Variants in SLC14A2 observed in about 807,000 individuals in gnomAD.
SLC14A2 encodes the protein urea transporter 2.
A neutral mutation model predicts 104.6 loss-of-function variants in SLC14A2; 91 were observed. That is an observed-to-expected ratio of 0.87 (90% CI 0.73 to 1.04). The LOEUF (loss-of-function observed/expected upper bound fraction) is 1.04, where lower values mean the gene tolerates loss of function less well. SLC14A2 is among the 50% of genes least tolerant of loss of function. The probability of loss-of-function intolerance (pLI) is 0.00; values close to 1 mark genes in which losing one functional copy is unlikely to be tolerated. For synonymous variants in SLC14A2, 476 were observed against 466.4 expected (o/e 1.02, Z -0.27); for missense variants, 1,189 against 1,156.0 (o/e 1.03, Z -0.41).
At chr18:45,238,002 A>G (rs1427729165) in intron 1 of SLC14A2, among the ~76,000 whole-genome samples, 1 of 152,248 alleles carries the variant, frequency 6.6e-6, no homozygotes, top group Non-Finnish European at 1.5e-5. Flanking sequence ...GAGCAGCACC[A>G]TTAAGCACTT....
intron 1 of SLC14A2, among the ~76,000 whole-genome samples, chr18:45,255,929 C>G (rs995358780): frequency 6.6e-6 from 1 of 152,080 alleles, no homozygotes; most frequent in Non-Finnish European, 1.5e-5. Flanking sequence ...TAGAAAGGCC[C>G]GGATGTATGC....
In SLC14A2 at chr18:45,655,159, T is replaced by C. The variant is rs569303945; in HGVS notation, c.1352-8626T>C. Among the ~76,000 whole-genome samples, 6 of 152,304 alleles carry C rather than the reference T, an allele frequency of 3.9e-5. No individual in the cohort carries two copies. In the South Asian group the frequency reaches 1.2e-3, roughly 32 times the overall value. Reference sequence around the variant, plus strand: ...GTCTCCTCAGGGTCCCCCTTTTACATACTCAGATTACTGTAGACCTAGTCT... The same window carrying C: ...GTCTCCTCAGGGTCCCCCTTTTACACACTCAGATTACTGTAGACCTAGTCT... On this transcript the variant is annotated intron_variant, in intron 10 of 19. Transcript: ENST00000255226.
At chr18:45,567,531 G>C (rs2044283849) in intron 2 of SLC14A2, among the ~76,000 whole-genome samples, 1 of 152,198 alleles carries the variant, frequency 6.6e-6, no homozygotes, top group Non-Finnish European at 1.5e-5. Context: ...GAAAGAGTCA[G>C]AGTGTCCTTT....
intron 2 of SLC14A2, among the ~76,000 whole-genome samples, chr18:45,534,922 AAACATT>A (rs1419879453): frequency 6.6e-6 from 1 of 152,190 alleles, no homozygotes; most frequent in Non-Finnish European, 1.5e-5. Flanking sequence ...TACAACCTGC[AAACATT>A]AACATACTGT....
chr18:45,537,652 A>C (rs751720282), intron 2 of SLC14A2, among the ~76,000 whole-genome samples: 9 of 152,170 alleles, frequency 5.9e-5, no homozygotes, highest in Non-Finnish European at 1.2e-4. Context: ...TTTTGTTCAG[A>C]GGAGTGTCAT....
chr18:45,477,826 C>G (rs2087413513), intron 1 of SLC14A2, among the ~76,000 whole-genome samples: 1 of 152,148 alleles, frequency 6.6e-6, no homozygotes, highest in Non-Finnish European at 1.5e-5. Flanking sequence ...TGGCGGATGC[C>G]CTTACCCCAA....
At chr18:45,481,589 T>C (rs2087494084) in intron 1 of SLC14A2, among the ~76,000 whole-genome samples, 3 of 152,334 alleles carry the variant, frequency 2.0e-5, no homozygotes, top group South Asian at 2.1e-4. Context: ...TATCTATGTA[T>C]ACAAAATGCT....
At chr18:45,291,798 G>C (rs139043502) in intron 1 of SLC14A2, among the ~76,000 whole-genome samples, 1 of 150,066 alleles carries the variant, frequency 6.7e-6, no homozygotes, top group Non-Finnish European at 1.5e-5. Flanking sequence ...TCGAATTGTC[G>C]TTGTGCTATT....
chr18:45,356,784 G>T (rs965516341), intron 1 of SLC14A2, among the ~76,000 whole-genome samples: 1 of 152,180 alleles, frequency 6.6e-6, no homozygotes, highest in Admixed American at 6.5e-5. Context: ...GGTAGTGTCT[G>T]GGACAAATGT....
chr18:45,508,129 G>A (rs531228635), intron 2 of SLC14A2, among the ~76,000 whole-genome samples: 30 of 152,332 alleles, frequency 2.0e-4, no homozygotes, highest in East Asian at 5.8e-4. Flanking sequence ...ATTGTTCTGC[G>A]TAGATCTCAT....
intron 2 of SLC14A2, among the ~76,000 whole-genome samples, chr18:45,525,868 C>T (rs890819536): frequency 2.0e-5 from 3 of 152,220 alleles, no homozygotes. Context: ...TGGTGGTGGC[C>T]ATTTTGTTTC....
At chr18:45,605,231 A>C (rs968040770) in intron 2 of SLC14A2, among the ~76,000 whole-genome samples, 3 of 152,214 alleles carry the variant, frequency 2.0e-5, no homozygotes, top group Admixed American at 6.5e-5. Context: ...AGGCTAGTAA[A>C]GCTTGATTTC....
chr18:45,182,279 G>A, the SLC14A2 span, among the ~76,000 whole-genome samples: 2 of 151,278 alleles, frequency 1.3e-5, no homozygotes, highest in East Asian at 1.9e-4. Flanking sequence ...AATTGAATCA[G>A]GAAAAAAAGA....
At chr18:45,208,259 T>A (rs989367953), upstream of SLC14A2, among the ~76,000 whole-genome samples, 35 of 152,278 alleles carry the variant, frequency 2.3e-4, no homozygotes, top group Non-Finnish European at 4.9e-4. Flanking sequence ...AAATATATAT[T>A]TTTTTCTCAA....
chr18:45,556,826 C>G (rs1173951069), intron 2 of SLC14A2, among the ~76,000 whole-genome samples: 1 of 152,186 alleles, frequency 6.6e-6, no homozygotes, highest in Non-Finnish European at 1.5e-5. Flanking sequence ...TATGGAGCTC[C>G]CATAGGGGTA....
chr18:45,665,727 A>C (rs1221822310), intron 11 of SLC14A2, among the ~76,000 whole-genome samples: 2 of 104,722 alleles, frequency 1.9e-5, no homozygotes, highest in South Asian at 2.8e-4. Context: ...GTTCACCTTC[A>C]AGTTCTCCAT....
chr18:45,622,537 C>A (rs2045190127), intron 1 of SLC14A2, among the ~76,000 whole-genome samples: 1 of 152,086 alleles, frequency 6.6e-6, no homozygotes, highest in Admixed American at 6.6e-5. Context: ...GGGTCATCGG[C>A]AGGGAGATGG....
At chr18:45,229,189 A>G (rs1048832561) in intron 1 of SLC14A2, among the ~76,000 whole-genome samples, 3 of 152,174 alleles carry the variant, frequency 2.0e-5, no homozygotes, top group Admixed American at 1.3e-4. Flanking sequence ...GCACTTACTG[A>G]ATTCTTTTCT....
At position 45,372,639 on chromosome 18, in the gene SLC14A2, T is replaced by C. The variant is rs1263502122; in HGVS notation, c.-124-110594T>C. Among the ~76,000 whole-genome samples, 4 of 152,276 alleles carry C rather than the reference T, an allele frequency of 2.6e-5. No individual in the cohort carries two copies. In the East Asian group the frequency reaches 5.8e-4, roughly 22 times the overall value. On this transcript the variant is annotated intron_variant, in intron 1 of 20. Transcript: ENST00000586448. ...GGTAATGTCAACATGCAAGTTCCGA[T>C]GCAGGGTAGGGCCTGAGATTCTGCA...
Sources: allele counts gnomAD v4.1 joint callset (sites outside exome capture counted in the v4.1 genomes callset), GRCh38; gene constraint gnomAD v4.1.1; transcripts MANE v1.5; gene names NCBI Gene and HGNC (gene_info 2026-07-23, HGNC 2026-07-21).